USP34: variants seen among roughly 807,000 people sequenced by gnomAD.
USP34 encodes ubiquitin specific peptidase 34.
Under a neutral mutation model 460.3 loss-of-function variants are expected in USP34, and 70 were observed. That is an observed-to-expected ratio of 0.15 (90% CI 0.13 to 0.19). USP34 has a LOEUF of 0.19. Ranked by LOEUF, USP34 falls within the 10% of genes least tolerant of loss-of-function variation. The pLI is 1.00. For synonymous variants in USP34, 1,647 were observed against 1,405.3 expected, an observed-to-expected ratio of 1.17 and a Z score of -3.85; for missense variants, 3,985 against 4,236.2, an observed-to-expected ratio of 0.94 and a Z score of 1.65.
At chr2:61,347,211 T>C (rs545512576) in intron 15 of USP34, among the ~76,000 whole-genome samples, 4 of 152,154 alleles carry the variant, frequency 2.6e-5, no homozygotes, top group Middle Eastern at 3.4e-3. Context: ...CTGGTCTAAA[T>C]TGAAAAGTGC....
intron 1 of USP34, among the ~76,000 whole-genome samples, chr2:61,429,494 G>T (rs1233620777): frequency 1.3e-5 from 2 of 152,132 alleles, no homozygotes; most frequent in African/African-American, 4.8e-5. Flanking sequence ...GGGTGTGGTA[G>T]CATGCACCTG....
At chr2:61,299,887 T>C (rs1178054551) in intron 29 of USP34, among the ~76,000 whole-genome samples, 2 of 152,248 alleles carry the variant, frequency 1.3e-5, no homozygotes, top group Non-Finnish European at 2.9e-5. Flanking sequence ...CTATTTGATG[T>C]TCCTCAGGCA....
At chr2:61,451,957 C>T (rs953790048) in intron 1 of USP34, among the ~76,000 whole-genome samples, 8 of 151,726 alleles carry the variant, frequency 5.3e-5, no homozygotes, top group African/African-American at 1.2e-4. Context: ...GGGCGGATCA[C>T]GAGGTCAGGA....
chr2:61,281,041 A>C, intron 38 of USP34, 49 bp downstream of exon 38: 1 of 1,577,824 alleles, frequency 6.3e-7, no homozygotes, highest in Non-Finnish European at 8.6e-7. Context: ...AACTGAGGCA[A>C]AGGAAATTTC....
chr2:61,363,706 G>A (rs978871201), intron 10 of USP34, among the ~76,000 whole-genome samples: 1 of 152,084 alleles, frequency 6.6e-6, no homozygotes, highest in African/African-American at 2.4e-5. Flanking sequence ...ACACATGACT[G>A]TATATACAAA....
intron 48 of USP34, among the ~76,000 whole-genome samples, chr2:61,253,968 C>G (rs1452723209): frequency 6.6e-6 from 1 of 152,222 alleles, no homozygotes; most frequent in Non-Finnish European, 1.5e-5. Flanking sequence ...CTCCTGACCT[C>G]AGGCAATCCA....
intron 69 of USP34, 143 bp downstream of exon 69, chr2:61,211,629 G>C: frequency 4.5e-6 from 4 of 887,060 alleles, no homozygotes; most frequent in Non-Finnish European, 6.4e-6. Flanking sequence ...CTGTTTAAAA[G>C]TAGTTCATGA....
chr2:61,387,780 G>A (rs534450575), intron 5 of USP34, among the ~76,000 whole-genome samples: 16 of 139,200 alleles, frequency 1.1e-4, no homozygotes, highest in African/African-American at 2.2e-4. Flanking sequence ...ATATTTTTAC[G>A]TATACACACA....
chr2:61,188,431 GTTC>G lies in USP34; in HGVS notation c.10309_10311del (p.Glu3437del), dbSNP rs749974086. 702 of 1,614,172 alleles carry G rather than the reference GTTC, an allele frequency of 4.3e-4. 1 individual carries two copies. Among genetic ancestry groups the G allele is most frequent in the Non-Finnish European group, 5.5e-4 (652 of 1,180,032 alleles). ...TCGTCATATCTACCATTGTTGGACT[GTTC>G]TTCTGCATGCTGTGACCTGATATTT... On this transcript the variant is annotated inframe_deletion, in exon 80 of 80. Coordinates refer to ENST00000398571, the MANE Select transcript of USP34 (RefSeq NM_014709.4).
intron 1 of USP34, among the ~76,000 whole-genome samples, chr2:61,463,349 G>T (rs1259431077): frequency 1.3e-5 from 2 of 151,948 alleles, no homozygotes; most frequent in Non-Finnish European, 2.9e-5. Flanking sequence ...CAAAAAATTT[G>T]AAATTTTATT....
chr2:61,269,256 G>T (rs1558501371), intron 41 of USP34, among the ~76,000 whole-genome samples: 1 of 151,838 alleles, frequency 6.6e-6, no homozygotes, highest in Non-Finnish European at 1.5e-5. Context: ...AATCTCCCAG[G>T]CTCAGTCAAT....
At chr2:61,243,207 C>T (rs182711795) in intron 51 of USP34, among the ~76,000 whole-genome samples, 32 of 151,512 alleles carry the variant, frequency 2.1e-4, no homozygotes, top group Non-Finnish European at 4.0e-4. Flanking sequence ...AGTGCAATGG[C>T]GCGATGTCGG....
In USP34 at chr2:61,278,282, C is replaced by T. The variant is rs139505925; in HGVS notation, c.5316G>A (p.Arg1772=). The change falls in exon 41 of 80, where the codon AGG becomes AGA. Residue 1772 remains arginine (R), a synonymous_variant. Transcript: ENST00000398571. ...TACCATCCTGATGATCAAGGATCTCCCTACTACAAAAAAGAAAAAAAATAC... is the reference window on the plus strand; with the variant it reads ...TACCATCCTGATGATCAAGGATCTCTCTACTACAAAAAAGAAAAAAAATAC... ...ARHLADCIRS[R]EILDHQDGNV... 5.6e-6 allele frequency: 9 copies of T among 1,612,978 alleles called. No homozygotes were observed. The South Asian group carries it at 8.8e-5, about 16-fold the overall frequency.
intron 20 of USP34, among the ~76,000 whole-genome samples, chr2:61,326,777 AT>A (rs35060068): frequency 0.035 from 3,615 of 102,970 alleles, 46 homozygotes; most frequent in South Asian, 0.06. Context: ...GTCAATGGGC[AT>A]TTTTTTTTTT....
chr2:61,369,565 C>T (rs955349456), intron 10 of USP34, among the ~76,000 whole-genome samples: 2 of 146,362 alleles, frequency 1.4e-5, no homozygotes, highest in Admixed American at 7.1e-5. Flanking sequence ...ATCACTTGAA[C>T]CGGGGAGGCG....
At chr2:61,378,526 CAATA>C (rs1340814515) in intron 7 of USP34, 102 bp from the exon 8 acceptor site, 1 of 644,570 alleles carries the variant, frequency 1.6e-6, no homozygotes. Flanking sequence ...ATGTAGATCA[CAATA>C]ACTAGATTAA....
At chr2:61,426,882 A>G (rs538500720) in intron 1 of USP34, among the ~76,000 whole-genome samples, 2 of 152,234 alleles carry the variant, frequency 1.3e-5, no homozygotes, top group Non-Finnish European at 2.9e-5. Context: ...TTTGGGAGAA[A>G]GTAAGGAAAG....
At chr2:61,339,908 G>C (rs1021908150) in intron 16 of USP34, among the ~76,000 whole-genome samples, 3 of 152,040 alleles carry the variant, frequency 2.0e-5, no homozygotes, top group Middle Eastern at 3.4e-3. Context: ...GTGGCCTCCA[G>C]TAATCTCCTT....
intron 16 of USP34, among the ~76,000 whole-genome samples, chr2:61,340,775 G>A (rs780187789): frequency 8.0e-5 from 12 of 150,530 alleles, no homozygotes; most frequent in Non-Finnish European, 1.5e-4. Flanking sequence ...TTACTATTGA[G>A]TTATGAAATT....
Sources: allele counts gnomAD v4.1 joint callset (sites outside exome capture counted in the v4.1 genomes callset), GRCh38; gene constraint gnomAD v4.1.1; transcripts MANE v1.5; gene names NCBI Gene and HGNC (gene_info 2026-07-23, HGNC 2026-07-21).